Variants in UVRAG observed in about 807,000 individuals in gnomAD.
UVRAG encodes the protein UV radiation resistance-associated gene protein.
Under a neutral mutation model 78.0 loss-of-function variants are expected in UVRAG, and 19 were observed. That is an observed-to-expected ratio of 0.24 (90% CI 0.17 to 0.36). The LOEUF (loss-of-function observed/expected upper bound fraction) is 0.36. Ranked by LOEUF, UVRAG falls within the 10% of genes least tolerant of loss-of-function variation. The pLI is 1.00. For synonymous variants in UVRAG, 323 were observed against 324.6 expected (o/e 1.00, Z 0.05); for missense variants, 740 against 853.8 (o/e 0.87, Z 1.66).
intron 6 of UVRAG, among the ~76,000 whole-genome samples, chr11:75,934,087 C>T (rs187612711): frequency 1.3e-5 from 2 of 152,250 alleles, no homozygotes; most frequent in African/African-American, 4.8e-5. Flanking sequence ...TTGGGAGCAA[C>T]CTAAGTGTCC....
At chr11:76,122,152 G>A (rs1031684666) in intron 14 of UVRAG, among the ~76,000 whole-genome samples, 10 of 152,316 alleles carry the variant, frequency 6.6e-5, no homozygotes, top group Middle Eastern at 3.4e-3. Context: ...TAAAAAGTAC[G>A]ACATGCTATA....
Position 76,065,770 on chromosome 11 carries a change from G to A in UVRAG, c.1287G>A (p.Leu429=), listed in dbSNP as rs758930205. 5.6e-6 allele frequency: 9 copies of A among 1,613,676 alleles called. No individual in the cohort carries two copies. The highest frequency in any genetic ancestry group is 7.6e-6 in the Non-Finnish European group (9 of 1,179,926). ...KLQFDYGVYL[L]NKNIAQLRYQ... is the part of the protein sequence containing the mutation. ...AGTTTGATTATGGTGTCTATCTTCT[G>A]AACAAAAATATAGCACAGGTAAGTC... The change falls in exon 13 of 15, where the codon CTG becomes CTA. Residue 429 remains leucine, a synonymous_variant. Coordinates refer to ENST00000356136, the MANE Select transcript of UVRAG (RefSeq NM_003369.4).
intron 6 of UVRAG, among the ~76,000 whole-genome samples, chr11:75,952,322 GA>G (rs1291481265): frequency 6.6e-6 from 1 of 152,108 alleles, no homozygotes; most frequent in African/African-American, 2.4e-5. Context: ...ATGTGGAATA[GA>G]GTGATGAAAG....
At chr11:76,135,666 G>A (rs1250756352) in intron 14 of UVRAG, among the ~76,000 whole-genome samples, 1 of 152,192 alleles carries the variant, frequency 6.6e-6, no homozygotes, top group Non-Finnish European at 1.5e-5. Context: ...CAGATGTCAT[G>A]TTTCCAGTTT....
At position 75,817,902 on chromosome 11, in the gene UVRAG, A is replaced by G. The variant is rs547480822; in HGVS notation, c.117+2378A>G. Among the ~76,000 whole-genome samples the G allele has an allele frequency of 1.9e-4, 29 of 151,638 alleles. No homozygotes were observed. The East Asian group carries it at 5.0e-3, about 26-fold the overall frequency. ...CTACTAAAAGTACAAAAAAAAGAAA[A>G]AAAAAAAAAAAGCCAGATGTGGTGG... On this transcript the variant is annotated intron_variant, in intron 1 of 14. Coordinates refer to ENST00000356136, the MANE Select transcript of UVRAG (RefSeq NM_003369.4).
chr11:76,093,932 G>A (rs1439647064), intron 13 of UVRAG, among the ~76,000 whole-genome samples: 1 of 152,168 alleles, frequency 6.6e-6, no homozygotes, highest in Non-Finnish European at 1.5e-5. Flanking sequence ...TCCCTGTCTT[G>A]TGCCAGTTTT....
chr11:75,841,735 C>T (rs1945915288), intron 1 of UVRAG, among the ~76,000 whole-genome samples: 1 of 152,206 alleles, frequency 6.6e-6, no homozygotes, highest in African/African-American at 2.4e-5. Flanking sequence ...TGCTCCAAAG[C>T]AGACCAGTTT....
At chr11:75,972,397 G>T (rs1949141666) in intron 7 of UVRAG, among the ~76,000 whole-genome samples, 1 of 152,232 alleles carries the variant, frequency 6.6e-6, no homozygotes, top group East Asian at 1.9e-4. Flanking sequence ...TTTATGAACG[G>T]TATAAGACCT....
rs558860862 is a variant in UVRAG at position 75,849,740 on chromosome 11, G to C, written c.118-2143G>C. On this transcript the variant is annotated intron_variant, in intron 1 of 14. Coordinates refer to ENST00000356136, the MANE Select transcript of UVRAG (RefSeq NM_003369.4). ...GCCGAACAAAATAAGTGCTATAGTA[G>C]AGATAGAAGCAAAGTTCTTACTTGT... 3.3e-5 allele frequency among the ~76,000 whole-genome samples: 5 copies of C among 152,306 alleles called. No individual in the cohort carries two copies. The South Asian group carries it at 1.0e-3, about 32-fold the overall frequency.
chr11:75,829,170 G>A (rs1042508054), intron 1 of UVRAG, among the ~76,000 whole-genome samples: 3 of 152,120 alleles, frequency 2.0e-5, no homozygotes, highest in Admixed American at 2.0e-4. Flanking sequence ...GAACTCCTGG[G>A]TTCAAATGGA....
At chr11:76,007,673 G>C in intron 10 of UVRAG, 52 bp downstream of exon 10, 1 of 1,398,466 alleles carries the variant, frequency 7.2e-7, no homozygotes, top group Non-Finnish European at 1.0e-6. Flanking sequence ...GATGATTTCT[G>C]TATGACATTT....
intron 11 of UVRAG, chr11:76,012,809 G>A (rs1950077209): frequency 7.4e-6 from 1 of 136,008 alleles, no homozygotes; most frequent in South Asian, 2.6e-4. Context: ...GTGTGTGTGT[G>A]TGTGTGTGTG....
At chr11:75,960,516 TA>T (rs1321125623) in intron 6 of UVRAG, among the ~76,000 whole-genome samples, 1 of 152,134 alleles carries the variant, frequency 6.6e-6, no homozygotes, top group African/African-American at 2.4e-5. Context: ...GCTGTAATCC[TA>T]GTACTTTGAG....
chr11:75,849,857 AAATT>A lies in UVRAG; in HGVS notation c.118-2023_118-2020del, dbSNP rs35468835. Among the ~76,000 whole-genome samples, 1,508 of 152,376 alleles carry A rather than the reference AAATT, an allele frequency of 9.9e-3. 27 individuals carry two copies. The highest frequency in any genetic ancestry group is 0.035 in the African/African-American group (1,444 of 41,584). On this transcript the variant is annotated intron_variant, in intron 1 of 14. Transcript: ENST00000356136. ...GGTGTTTTGAACAAAGAATTGGACAAAATTAACAGCAAAGCAAGCAAAGAGTGAA... is the reference window on the plus strand; with the variant it reads ...GGTGTTTTGAACAAAGAATTGGACAAAACAGCAAAGCAAGCAAAGAGTGAA...
At chr11:75,890,467 C>T (rs1452158923) in intron 5 of UVRAG, among the ~76,000 whole-genome samples, 1 of 152,160 alleles carries the variant, frequency 6.6e-6, no homozygotes, top group Non-Finnish European at 1.5e-5. Context: ...TCATGGATGA[C>T]TTTTGGGTTT....
At chr11:75,907,854 G>A (rs574200802) in intron 5 of UVRAG, among the ~76,000 whole-genome samples, 35 of 152,162 alleles carry the variant, frequency 2.3e-4, no homozygotes, top group Admixed American at 1.3e-3. Context: ...CTTGCATACC[G>A]TGTATGAATT....
intron 11 of UVRAG, among the ~76,000 whole-genome samples, chr11:76,013,448 A>T (rs958906946): frequency 1.3e-5 from 2 of 152,130 alleles, no homozygotes; most frequent in Admixed American, 1.3e-4. Context: ...CTCACTAACA[A>T]AACTATTGTC....
chr11:75,833,154 T>A (rs1255560558), intron 1 of UVRAG, among the ~76,000 whole-genome samples: 1 of 152,226 alleles, frequency 6.6e-6, no homozygotes, highest in Non-Finnish European at 1.5e-5. Context: ...ATGGCACCTT[T>A]TATTTTATAA....
At chr11:76,027,108 T>TA (rs1389653672) in intron 12 of UVRAG, among the ~76,000 whole-genome samples, 1 of 152,156 alleles carries the variant, frequency 6.6e-6, no homozygotes, top group African/African-American at 2.4e-5. Flanking sequence ...TCATACAAGT[T>TA]AACTAAGCAT....
Sources: gnomAD v4.1 joint callset for allele counts (sites outside exome capture counted in the v4.1 genomes callset) on GRCh38, gnomAD v4.1.1 for gene constraint, MANE v1.5 for transcripts, NCBI Gene and HGNC (gene_info 2026-07-23, HGNC 2026-07-21) for gene names.